The following BRI3BP variants were observed in gnomAD, a reference collection of about 807,000 sequenced individuals.
BRI3BP encodes the protein BRI3 binding protein.
Under a neutral mutation model 15.8 loss-of-function variants are expected in BRI3BP, and 7 were observed. The observed-to-expected ratio is 0.44, with a 90% CI of 0.25 to 0.83. The LOEUF is 0.83. Ranked by LOEUF, BRI3BP falls within the 40% of genes least tolerant of loss-of-function variation. BRI3BP has a pLI of 0.20. For missense variants in BRI3BP, 320 were observed against 339.3 expected, an observed-to-expected ratio of 0.94 and a Z score of 0.45; for synonymous variants, 192 against 163.5, an observed-to-expected ratio of 1.17 and a Z score of -1.33.
At chr12:125,003,981 AC>A (rs1353773127) in intron 1 of BRI3BP, among the ~76,000 whole-genome samples, 11 of 151,000 alleles carry the variant, frequency 7.3e-5, no homozygotes, top group Middle Eastern at 3.4e-3. Flanking sequence ...ACACACACAC[AC>A]ACACACACAC....
Position 125,025,493 on chromosome 12 carries a change from GA to G in BRI3BP, c.*70del, listed in dbSNP as rs1416286767. ...GCTGTCTCAGAAAACGAAAACGGAG[GA>G]AAAAAACCCCAAACCCCAAACAATC... On this transcript the variant is annotated 3_prime_UTR_variant, in exon 3 of 3. Transcript: ENST00000341446. The G allele has an allele frequency of 2.1e-6, 3 of 1,403,946 alleles. No individual in the cohort carries two copies. Among genetic ancestry groups the G allele is most frequent in the Non-Finnish European group, 2.8e-6 (3 of 1,056,092 alleles). 87.0% of individuals were successfully genotyped at this position (1,403,946 alleles called of 1,614,324 possible).
chr12:125,021,637 G>A (rs770843613), intron 2 of BRI3BP, among the ~76,000 whole-genome samples: 8 of 152,200 alleles, frequency 5.3e-5, no homozygotes, highest in African/African-American at 1.2e-4. Flanking sequence ...GGCTGGGGAG[G>A]CCTCAGGAAA....
intron 2 of BRI3BP, among the ~76,000 whole-genome samples, chr12:125,018,433 G>T (rs1006636577): frequency 6.6e-6 from 1 of 152,130 alleles, no homozygotes; most frequent in Non-Finnish European, 1.5e-5. Context: ...AATGTGACCG[G>T]TGTCCTTATA....
downstream of BRI3BP, among the ~76,000 whole-genome samples, chr12:125,032,175 C>A (rs959893341): frequency 6.6e-6 from 1 of 152,056 alleles, no homozygotes; most frequent in Non-Finnish European, 1.5e-5. Context: ...TTAAAATAAT[C>A]ATTTTGGCCG....
the BRI3BP span, among the ~76,000 whole-genome samples, chr12:125,039,929 C>T: frequency 6.6e-6 from 1 of 152,232 alleles, no homozygotes; most frequent in East Asian, 1.9e-4. Context: ...GATGAGGGTC[C>T]AGCTGTCTTC....
the BRI3BP span, among the ~76,000 whole-genome samples, chr12:125,036,358 C>A: frequency 6.6e-6 from 1 of 151,060 alleles, no homozygotes; most frequent in East Asian, 1.9e-4. Flanking sequence ...CCACCGCACC[C>A]GGCCTAATTT....
At chr12:125,012,461 A>G (rs750383040) in intron 1 of BRI3BP, 73 bp from the exon 2 acceptor site, 63 of 1,269,124 alleles carry the variant, frequency 5.0e-5, no homozygotes, top group Non-Finnish European at 6.6e-5. Context: ...TAAACTCCCA[A>G]GCTCCCCAGT....
chr12:125,024,729 G>A (rs553015094), intron 2 of BRI3BP, among the ~76,000 whole-genome samples: 1 of 151,726 alleles, frequency 6.6e-6, no homozygotes, highest in African/African-American at 2.4e-5. Flanking sequence ...AACCCAGGAG[G>A]CGGAGGTTGT....
intron 1 of BRI3BP, among the ~76,000 whole-genome samples, chr12:124,994,804 G>A (rs1413418579): frequency 6.6e-6 from 1 of 152,184 alleles, no homozygotes; most frequent in African/African-American, 2.4e-5. Context: ...GCTGTTCCCT[G>A]GGGAGGAGGG....
rs1335506960 is a variant in BRI3BP at position 125,012,762 on chromosome 12, G to A, written c.316+126G>A. 192 of 733,526 alleles carry A rather than the reference G, an allele frequency of 2.6e-4. 1 individual carries two copies. The highest frequency in any genetic ancestry group is 3.1e-5 in the Non-Finnish European group (13 of 416,036). The allele number at this position is 733,526 out of a possible 1,614,324, so 45.4% of individuals were successfully genotyped here. ...GGAGGGCTGGTCAGTGAGGATATGA[G>A]TGAACATTTTTTATTTTAATAGTCT... On this transcript the variant is annotated intron_variant, in intron 2 of 2. Transcript: ENST00000341446.
Position 125,026,826 on chromosome 12 carries a change from G to C in BRI3BP, c.*1396G>C, listed in dbSNP as rs550836627. ...AAATTAGTCAGGCATGGTGGTGGGT[G>C]CCTGTAGTCCAGCTACTCAGGAGGC... On this transcript the variant is annotated 3_prime_UTR_variant, in exon 3 of 3. Transcript: ENST00000341446. The C allele has an allele frequency of 3.9e-5, 6 of 152,284 alleles. No homozygotes were observed. Among genetic ancestry groups the C allele is most frequent in the African/African-American group, 1.4e-4 (6 of 41,510 alleles). 9.4% of individuals were successfully genotyped at this position (152,284 alleles called of 1,614,324 possible).
In BRI3BP at chr12:125,025,306, G is replaced by GCCCCAGCAA. The variant is rs536585330; in HGVS notation, c.649_657dup (p.Asn217_Ser219dup). 8.8e-3 allele frequency: 14,142 copies of GCCCCAGCAA among 1,613,586 alleles called. 82 individuals are homozygous for GCCCCAGCAA. Among genetic ancestry groups the GCCCCAGCAA allele is most frequent in the Admixed American group, 0.018 (1,052 of 59,884 alleles). ...TTCTACTGGCGAAGCAGTCCCAGCG[G>GCCCCAGCAA]CCCCAGCAACCCCAGCAACCCCAGC... On this transcript the variant is annotated inframe_insertion, in exon 3 of 3. Coordinates refer to ENST00000341446, the MANE Select transcript of BRI3BP (RefSeq NM_080626.6).
Position 124,993,937 on chromosome 12 carries a change from G to A in BRI3BP, c.147G>A (p.Thr49=), listed in dbSNP as rs756122233. 9 of 1,356,626 alleles carry A rather than the reference G, an allele frequency of 6.6e-6. No individual in the cohort carries two copies. The highest frequency in any genetic ancestry group is 4.4e-4 in the Middle Eastern group (2 of 4,504). The allele number at this position is 1,356,626 out of a possible 1,614,324, so 84.0% of individuals were successfully genotyped here. A position where few individuals can be genotyped will look rare whatever the true frequency, so the allele number is the denominator to read the frequency against. Residue 49 remains threonine, a synonymous_variant, in exon 1 of 3, where the codon ACG becomes ACA. Transcript: ENST00000341446. ...CGGAGAAGAACAGCTACCGCCGCAC[G>A]GTCAACACCTTCTCCCAGAGCGTCA... is the stretch of plus-strand genomic sequence containing the variant. ...GGAEKNSYRR[T]VNTFSQSVSS... is the part of the protein sequence containing the mutation.
At chr12:125,013,350 G>A (rs1852731768) in intron 2 of BRI3BP, among the ~76,000 whole-genome samples, 1 of 152,220 alleles carries the variant, frequency 6.6e-6, no homozygotes, top group African/African-American at 2.4e-5. Context: ...CGAACTGGCT[G>A]TCCAGGGTTG....
At chr12:125,008,816 A>C (rs560727407) in intron 1 of BRI3BP, among the ~76,000 whole-genome samples, 1 of 152,252 alleles carries the variant, frequency 6.6e-6, no homozygotes, top group African/African-American at 2.4e-5. Context: ...ATGTAGAATC[A>C]GTGGGAGCAC....
intron 1 of BRI3BP, among the ~76,000 whole-genome samples, chr12:125,000,402 C>T (rs1378318870): frequency 6.7e-6 from 1 of 149,928 alleles, no homozygotes; most frequent in East Asian, 2.0e-4. Flanking sequence ...CAAGCTCTGC[C>T]TCCCGGGTTC....
the BRI3BP span, among the ~76,000 whole-genome samples, chr12:125,046,041 T>G: frequency 2.6e-5 from 4 of 151,944 alleles, no homozygotes; most frequent in Non-Finnish European, 4.4e-5. Flanking sequence ...GGCAGGTGCC[T>G]GTAATCCCAG....
intron 1 of BRI3BP, among the ~76,000 whole-genome samples, chr12:125,011,241 C>T (rs1955194684): frequency 6.6e-6 from 1 of 152,098 alleles, no homozygotes; most frequent in Non-Finnish European, 1.5e-5. Flanking sequence ...CCATAGATAC[C>T]TTGGTCAGCC....
intron 2 of BRI3BP, among the ~76,000 whole-genome samples, chr12:125,018,746 C>A (rs1195961280): frequency 6.7e-6 from 1 of 149,676 alleles, no homozygotes; most frequent in African/African-American, 2.5e-5. Flanking sequence ...GTGGCGCTAT[C>A]TCGGCTCACT....
Sources: allele counts gnomAD v4.1 joint callset (sites outside exome capture counted in the v4.1 genomes callset), GRCh38; gene constraint gnomAD v4.1.1; transcripts MANE v1.5; gene names NCBI Gene and HGNC (gene_info 2026-07-23, HGNC 2026-07-21).